Variants in FPGS observed in about 807,000 individuals in gnomAD.
The protein encoded by FPGS is folylpolyglutamate synthase, also known as folylpolyglutamate synthase, mitochondrial.
FPGS carries 53 observed loss-of-function variants against 66.5 expected under a neutral mutation model. That is an observed-to-expected ratio of 0.80 (90% confidence interval 0.64 to 1.00). FPGS has a LOEUF of 1.00. FPGS is among the 50% of genes least tolerant of loss of function. FPGS has a pLI of 0.00. For missense variants in FPGS, 702 were observed against 807.7 expected (o/e 0.87, Z 1.59); for synonymous variants, 348 against 350.9 (o/e 0.99, Z 0.09).
Position 127,808,617 on chromosome 9 carries a change from C to G in FPGS, c.882C>G (p.Thr294=). 1.2e-6 allele frequency: 2 copies of G among 1,612,130 alleles called. No homozygotes were observed. Among genetic ancestry groups the G allele is most frequent in the South Asian group, 2.2e-5 (2 of 90,894 alleles). ...EALEEGGPPL[T]LGLEGEHQRS... ...TCGAGGAAGGGGGGCCGCCGCTGACCCTGGGCCTGGAGGGGGAGCACCAGC... is the reference window on the plus strand; with the variant it reads ...TCGAGGAAGGGGGGCCGCCGCTGACGCTGGGCCTGGAGGGGGAGCACCAGC... Residue 294 remains threonine, a synonymous_variant, in exon 10 of 15, where the codon ACC becomes ACG. Transcript: ENST00000373247.
intron 12 of FPGS, 52 bp downstream of exon 12, chr9:127,809,886 G>A (rs1272702573): frequency 1.0e-6 from 1 of 955,474 alleles, no homozygotes; most frequent in East Asian, 2.9e-5. Context: ...AGGAGGGGCG[G>A]GATCTTGGGG....
Position 127,813,336 on chromosome 9 carries a change from C to A in FPGS, c.1496C>A (p.Ser499Tyr). The change falls in exon 15 of 15, where the codon TCC becomes TAC. Residue 499 changes from serine to tyrosine, a missense_variant. Around this residue, in one of 3 missense-constraint regions of FPGS, gnomAD observed 351 missense variants for 363.7 expected, o/e 0.97. Coordinates refer to ENST00000373247, the MANE Select transcript of FPGS (RefSeq NM_004957.6). ...APSPEPGGSA[S>Y]LLLAPHPPHT... ...AGCCCAGAGCCCGGTGGGTCCGCATCCCTGCTTCTGGCGCCCCACCCACCC... is the reference window on the plus strand; with the variant it reads ...AGCCCAGAGCCCGGTGGGTCCGCATACCTGCTTCTGGCGCCCCACCCACCC... 1 of 1,613,076 alleles carries A rather than the reference C, an allele frequency of 6.2e-7. No individual in the cohort carries two copies. Among genetic ancestry groups the A allele is most frequent in the Non-Finnish European group, 8.5e-7 (1 of 1,179,832 alleles).
At chr9:127,805,316 G>A (rs531826387) in intron 4 of FPGS, among the ~76,000 whole-genome samples, 2 of 152,090 alleles carry the variant, frequency 1.3e-5, no homozygotes, top group Non-Finnish European at 2.9e-5. Context: ...AGCTGACATG[G>A]GAGGATCACC....
chr9:127,804,780 C>G (rs971553520), intron 4 of FPGS, 80 bp downstream of exon 4: 2 of 1,397,044 alleles, frequency 1.4e-6, no homozygotes, highest in African/African-American at 2.8e-5. Flanking sequence ...GCTTCAGGAC[C>G]AGGGTCACCC....
chr9:127,803,849 CCA>C (rs1741417455), intron 1 of FPGS, among the ~76,000 whole-genome samples: 1 of 152,182 alleles, frequency 6.6e-6, no homozygotes, highest in African/African-American at 2.4e-5. Flanking sequence ...ATGTGGAACC[CCA>C]GAGTCATGAG....
At chr9:127,808,942 TCAG>T in intron 11 of FPGS, 53 bp downstream of exon 11, 2 of 1,187,634 alleles carry the variant, frequency 1.7e-6, no homozygotes, top group Non-Finnish European at 2.3e-6. Context: ...CTGTGCCCCT[TCAG>T]ATTTTTTTTT....
intron 1 of FPGS, among the ~76,000 whole-genome samples, 189 bp from the exon 2 acceptor site, chr9:127,804,096 T>G (rs1185445991): frequency 6.6e-6 from 1 of 152,238 alleles, no homozygotes; most frequent in Admixed American, 6.5e-5. Context: ...GACTCCCATT[T>G]TTGCCAGAGC....
intron 12 of FPGS, 21 bp downstream of exon 12, chr9:127,809,855 TG>T: frequency 5.8e-6 from 4 of 686,186 alleles, no homozygotes; most frequent in Non-Finnish European, 8.5e-6. Flanking sequence ...GGGCTGGGGG[TG>T]GGGCCGGGGC....
In FPGS at chr9:127,807,380, G is replaced by A; in HGVS notation, c.580-41G>A. On this transcript the variant is annotated intron_variant, in intron 6 of 14. Transcript: ENST00000373247. The surrounding 1 kb of genome is among the most constrained non-coding windows in gnomAD (Gnocchi z 5.8). ...CTCCCTGCTTCCATGCGGCCTCTGGGCACCCTCATATCCCCTGCCATGCCC... is the reference window on the plus strand; with the variant it reads ...CTCCCTGCTTCCATGCGGCCTCTGGACACCCTCATATCCCCTGCCATGCCC... 1 of 1,613,044 alleles carries A rather than the reference G, an allele frequency of 6.2e-7. No individual in the cohort carries two copies.
chr9:127,812,700 T>G (rs7854264), intron 14 of FPGS, among the ~76,000 whole-genome samples: 8,582 of 73,648 alleles, frequency 0.12, 782 homozygotes, highest in African/African-American at 0.24. Context: ...TGTGTGTGTG[T>G]GTTTTTTTCA....
rs1386504797 is a variant in FPGS at position 127,807,467 on chromosome 9, G to A, written c.626G>A (p.Cys209Tyr). ...VEVGIGGAYDCTNIIRKPVVC... is the reference protein window; with the variant it reads ...VEVGIGGAYDYTNIIRKPVVC... ...GTGGGCATTGGCGGGGCTTATGACTGCACCAACATCATCAGGTGAGCGCAG... is the reference window on the plus strand; with the variant it reads ...GTGGGCATTGGCGGGGCTTATGACTACACCAACATCATCAGGTGAGCGCAG... Residue 209 changes from cysteine (C) to tyrosine (Y), a missense_variant, in exon 7 of 15, where the codon TGC (cysteine) becomes TAC (tyrosine). By Grantham distance (194) the Cys-to-Tyr change is radical. Transcript: ENST00000373247. The surrounding 1 kb of genome is among the most constrained non-coding windows in gnomAD (Gnocchi z 5.8). 1.9e-6 allele frequency: 3 copies of A among 1,614,002 alleles called. No individual in the cohort carries two copies. The highest frequency in any genetic ancestry group is 2.2e-5 in the East Asian group (1 of 44,888).
Position 127,810,071 on chromosome 9 carries a change from G to T in FPGS, c.1252G>T (p.Asp418Tyr). The stretch of plus-strand genomic sequence containing the variant: ...AGTCTTGCTCTTCAATGCTACCGGG[G>T]ACCGGGACCCGGCGGCCCTGCTGAA... ...VRVLLFNATG[D>Y]RDPAALLKLL... The change falls in exon 13 of 15, where the codon GAC (aspartate) becomes TAC (tyrosine). Residue 418 changes from aspartate (D) to tyrosine (Y), a missense_variant. Physicochemically the swap from Asp to Tyr is radical, Grantham distance 160 (BLOSUM62 -3). Coordinates refer to ENST00000373247, the MANE Select transcript of FPGS (RefSeq NM_004957.6). 1 of 1,613,074 alleles carries T rather than the reference G, an allele frequency of 6.2e-7. No homozygotes were observed. Among genetic ancestry groups the T allele is most frequent in the South Asian group, 1.1e-5 (1 of 91,030 alleles).
chr9:127,811,326 CA>C (rs1253472241), intron 14 of FPGS, among the ~76,000 whole-genome samples: 2 of 151,540 alleles, frequency 1.3e-5, no homozygotes, highest in Non-Finnish European at 2.9e-5. Context: ...AAAAAAAATA[CA>C]AAAAATTAGC....
chr9:127,807,649 G>A lies in FPGS; in HGVS notation c.705G>A (p.Thr235=), dbSNP rs572353784. The A allele has an allele frequency of 1.0e-4, 163 of 1,597,554 alleles. No individual in the cohort carries two copies. In the South Asian group the frequency reaches 1.2e-3, roughly 12 times the overall value. ...GIDHTSLLGD[T]VEKIAWQKGG... Reference sequence around the variant, plus strand: ...ACCACACCAGCCTCCTGGGGGATACGGTGGAGAAGATCGCATGGCAGAAAG... The same window carrying A: ...ACCACACCAGCCTCCTGGGGGATACAGTGGAGAAGATCGCATGGCAGAAAG... The change falls in exon 8 of 15, where the codon ACG becomes ACA. Residue 235 remains threonine, a synonymous_variant. Coordinates refer to ENST00000373247, the MANE Select transcript of FPGS (RefSeq NM_004957.6). The surrounding 1 kb of genome is among the most constrained non-coding windows in gnomAD (Gnocchi z 5.8).
rs1310018604 is a variant in FPGS, at chr9:127,803,262, T to G, written c.138+200T>G. On this transcript the variant is annotated intron_variant, in intron 1 of 14. Transcript: ENST00000373247. Reference sequence around the variant, plus strand: ...GGCCCGGGCCGCCGGGGCTGGGAATTCGGAGACTATAGCGTCCCCGCCCCG... The same window carrying G: ...GGCCCGGGCCGCCGGGGCTGGGAATGCGGAGACTATAGCGTCCCCGCCCCG... 6 of 1,247,798 alleles carry G rather than the reference T, an allele frequency of 4.8e-6. No homozygotes were observed. In the East Asian group the frequency reaches 1.3e-4, roughly 27 times the overall value. The allele number at this position is 1,247,798 out of a possible 1,614,324, so 77.3% of individuals were successfully genotyped here.
rs1041125052 is a variant in FPGS at position 127,808,909 on chromosome 9, C to T, written c.1060+20C>T. ...GGCTCGGTGAGTTAGACCTTCCTGC[C>T]CAGCTGGGACCACTGCGTGTGTCTG... On this transcript the variant is annotated intron_variant, in intron 11 of 14. Transcript: ENST00000373247. The T allele has an allele frequency of 3.3e-5, 50 of 1,534,904 alleles. 1 individual carries two copies. Among genetic ancestry groups the T allele is most frequent in the Non-Finnish European group, 4.3e-5 (49 of 1,132,490 alleles).
chr9:127,811,065 C>G (rs1830055308), intron 14 of FPGS, 54 bp downstream of exon 14: 7 of 1,066,290 alleles, frequency 6.6e-6, no homozygotes, highest in Non-Finnish European at 7.0e-6. Context: ...CTGAGGTAGA[C>G]AGTGGGGGCT....
In FPGS at chr9:127,813,668, A is replaced by G; in HGVS notation, c.*64A>G. The G allele has an allele frequency of 6.8e-7, 1 of 1,467,394 alleles. No individual in the cohort carries two copies. Among genetic ancestry groups the G allele is most frequent in the South Asian group, 1.5e-5 (1 of 67,720 alleles). 90.9% of individuals were successfully genotyped at this position (1,467,394 alleles called of 1,614,324 possible). Reference sequence around the variant, plus strand: ...GCCTGCGTTCTCCCCATGAACTTACATACTAGGTGCCTTTTGTTTTTGGCT... The same window carrying G: ...GCCTGCGTTCTCCCCATGAACTTACGTACTAGGTGCCTTTTGTTTTTGGCT... On this transcript the variant is annotated 3_prime_UTR_variant, in exon 15 of 15. Coordinates refer to ENST00000373247, the MANE Select transcript of FPGS (RefSeq NM_004957.6).
intron 8 of FPGS, 73 bp from the exon 9 acceptor site, chr9:127,808,161 G>A (rs1444966950): frequency 1.8e-6 from 2 of 1,130,496 alleles, no homozygotes; most frequent in African/African-American, 3.1e-5. Context: ...CCCAGACCCA[G>A]GGATGTGGGG....
Sources: allele counts gnomAD v4.1 joint callset (sites outside exome capture counted in the v4.1 genomes callset), GRCh38; gene constraint gnomAD v4.1.1; regional missense constraint gnomAD v4.1.1; non-coding constraint Gnocchi (gnomAD v3.1); transcripts MANE v1.5; gene names NCBI Gene and HGNC (gene_info 2026-07-23, HGNC 2026-07-21).